Variants in MYRIP observed in about 807,000 individuals in gnomAD.
MYRIP encodes the protein rab effector MyRIP.
In MYRIP, 49 loss-of-function variants were observed where a neutral mutation model predicts 98.0. The ratio of observed to expected loss-of-function variants is 0.50; its 90% CI spans 0.40 to 0.63. The LOEUF (loss-of-function observed/expected upper bound fraction) is 0.63, where lower values mean the gene tolerates loss of function less well. Among genes scored for constraint, MYRIP ranks in the 30% least tolerant of loss-of-function variants. The pLI, the probability that MYRIP is intolerant of heterozygous loss-of-function variation, is 0.00. For missense variants in MYRIP, 1,004 were observed against 1,058.2 expected (o/e 0.95, Z 0.71); for synonymous variants, 404 against 409.5 (o/e 0.99, Z 0.16).
At chr3:40,236,036 T>G (rs550117329) in intron 12 of MYRIP, among the ~76,000 whole-genome samples, 2 of 152,328 alleles carry the variant, frequency 1.3e-5, no homozygotes, top group South Asian at 4.1e-4. Flanking sequence ...AATATAAATA[T>G]AGTCATGTGC....
chr3:39,999,091 G>A (rs1003815185), intron 2 of MYRIP, among the ~76,000 whole-genome samples: 93 of 152,134 alleles, frequency 6.1e-4, no homozygotes, highest in Non-Finnish European at 1.0e-3. Flanking sequence ...GAAAACCTAG[G>A]CAATACCATT....
At chr3:40,180,655 C>T (rs1194303070) in intron 8 of MYRIP, among the ~76,000 whole-genome samples, 3 of 152,172 alleles carry the variant, frequency 2.0e-5, no homozygotes, top group Non-Finnish European at 2.9e-5. Flanking sequence ...ACCATTGCAT[C>T]GAAAGGCAGG....
intron 12 of MYRIP, among the ~76,000 whole-genome samples, chr3:40,240,998 G>A (rs181355309): frequency 6.6e-6 from 1 of 152,310 alleles, no homozygotes; most frequent in East Asian, 1.9e-4. Context: ...AAGCCCTGGT[G>A]ATGAAGTCCA....
chr3:40,250,376 A>G, intron 14 of MYRIP, 50 bp downstream of exon 14: 2 of 1,613,482 alleles, frequency 1.2e-6, no homozygotes, highest in Non-Finnish European at 1.7e-6. Context: ...GGCTTGGAAA[A>G]TTTAGAAGAC....
At chr3:40,048,752 A>G (rs1487018937) in intron 3 of MYRIP, among the ~76,000 whole-genome samples, 1 of 152,114 alleles carries the variant, frequency 6.6e-6, no homozygotes, top group African/African-American at 2.4e-5. Context: ...TGCTTCATAT[A>G]TTTTGCATTA....
At chr3:39,885,515 C>G (rs1229463000) in intron 1 of MYRIP, among the ~76,000 whole-genome samples, 5 of 152,048 alleles carry the variant, frequency 3.3e-5, no homozygotes, top group African/African-American at 1.2e-4. Flanking sequence ...CTGGCGTTCT[C>G]TGTATTTCCT....
intron 2 of MYRIP, among the ~76,000 whole-genome samples, chr3:40,010,739 T>A (rs1051879815): frequency 2.0e-5 from 3 of 152,052 alleles, no homozygotes; most frequent in Admixed American, 1.3e-4. Context: ...CTACTACACA[T>A]TTAAGGGACC....
chr3:39,877,759 G>C (rs893569952), intron 1 of MYRIP, among the ~76,000 whole-genome samples: 4 of 152,244 alleles, frequency 2.6e-5, no homozygotes, highest in East Asian at 1.9e-4. Flanking sequence ...CCTACTGGGG[G>C]GTACCTCCCA....
At chr3:40,160,676 G>C (rs1304533219) in intron 4 of MYRIP, among the ~76,000 whole-genome samples, 1 of 152,250 alleles carries the variant, frequency 6.6e-6, no homozygotes, top group Non-Finnish European at 1.5e-5. Flanking sequence ...TCCGAGCCAG[G>C]TGCGGGATAT....
At chr3:39,962,145 T>G (rs1357201431) in intron 2 of MYRIP, among the ~76,000 whole-genome samples, 1 of 152,126 alleles carries the variant, frequency 6.6e-6, no homozygotes, top group Admixed American at 6.6e-5. Flanking sequence ...GCTTAACTTC[T>G]CAGAGCCTGT....
chr3:40,065,407 G>C (rs67594343), intron 3 of MYRIP, among the ~76,000 whole-genome samples: 40,162 of 151,878 alleles, frequency 0.26, 5,493 homozygotes, highest in East Asian at 0.36. Context: ...ACCTCTTCTG[G>C]GGAGGGAAGA....
At chr3:39,955,647 A>T (rs936360882) in intron 2 of MYRIP, among the ~76,000 whole-genome samples, 2 of 152,238 alleles carry the variant, frequency 1.3e-5, no homozygotes, top group African/African-American at 2.4e-5. Flanking sequence ...AGCTAACATC[A>T]TAATGACAGG....
chr3:40,188,731 C>A (rs1374602173), intron 9 of MYRIP, among the ~76,000 whole-genome samples: 1 of 151,858 alleles, frequency 6.6e-6, no homozygotes, highest in African/African-American at 2.4e-5. Flanking sequence ...GAGTCGAGAT[C>A]GTGCCATTGC....
intron 4 of MYRIP, among the ~76,000 whole-genome samples, chr3:40,162,360 T>C (rs1271044716): frequency 2.0e-5 from 3 of 152,150 alleles, no homozygotes; most frequent in Non-Finnish European, 4.4e-5. Context: ...GCTGGATGAA[T>C]GAATAAATTC....
chr3:39,845,199 C>T (rs766073743), intron 1 of MYRIP, among the ~76,000 whole-genome samples: 10 of 152,244 alleles, frequency 6.6e-5, no homozygotes, highest in Admixed American at 3.9e-4. Context: ...ACTGAAGATG[C>T]AGCTGGAGAG....
At chr3:40,018,447 C>T (rs1353457149) in intron 2 of MYRIP, among the ~76,000 whole-genome samples, 2 of 152,194 alleles carry the variant, frequency 1.3e-5, no homozygotes, top group Admixed American at 6.5e-5. Flanking sequence ...TTTGCTACCC[C>T]AGTCTTCATT....
At chr3:39,869,982 C>A (rs371637770) in intron 1 of MYRIP, among the ~76,000 whole-genome samples, 2 of 152,068 alleles carry the variant, frequency 1.3e-5, no homozygotes, top group African/African-American at 4.8e-5. Flanking sequence ...GTGTATAATG[C>A]ATATCCTGGC....
rs576502202 is a variant in MYRIP, at chr3:40,251,591, C to T, written c.2429-290C>T. 2.3e-4 allele frequency among the ~76,000 whole-genome samples: 35 copies of T among 152,306 alleles called. No individual in the cohort carries two copies. In the South Asian group the frequency reaches 6.6e-3, roughly 29 times the overall value. The stretch of plus-strand genomic sequence containing the variant: ...TTGGCTCCAAAGTTGTAAAAATTTG[C>T]AAGTTTTAGAACCTTTTCTATTTCA... On this transcript the variant is annotated intron_variant, in intron 15 of 16. Transcript: ENST00000302541.
rs183736415 is a variant in MYRIP at position 40,039,516 on chromosome 3, G to T, written c.111-4534G>T. ...TGGATCTTGCAACATGAAGATCAGT[G>T]GGGGATCTCAAGCAGATATTTTGTT... On this transcript the variant is annotated intron_variant, in intron 2 of 16. Coordinates refer to ENST00000302541, the MANE Select transcript of MYRIP (RefSeq NM_015460.4). Among the ~76,000 whole-genome samples, 3 of 152,132 alleles carry T rather than the reference G, an allele frequency of 2.0e-5. No homozygotes were observed. In the East Asian group the frequency reaches 5.9e-4, roughly 30 times the overall value.
Sources: gnomAD v4.1 joint callset for allele counts (sites outside exome capture counted in the v4.1 genomes callset) on GRCh38, gnomAD v4.1.1 for gene constraint, MANE v1.5 for transcripts, NCBI Gene and HGNC (gene_info 2026-07-23, HGNC 2026-07-21) for gene names.